The following SEZ6L variants were observed in gnomAD, a reference collection of about 807,000 sequenced individuals.
SEZ6L encodes seizure related 6 homolog like.
A neutral mutation model predicts 106.2 loss-of-function variants in SEZ6L; 37 were observed. That is an observed-to-expected ratio of 0.35 (90% CI 0.27 to 0.46). SEZ6L has a LOEUF of 0.46. SEZ6L is among the 20% of genes least tolerant of loss of function. SEZ6L has a pLI of 1.00. For synonymous variants in SEZ6L, 541 were observed against 570.4 expected (o/e 0.95, Z 0.73); for missense variants, 1,172 against 1,332.8 (o/e 0.88, Z 1.88).
Position 26,292,613 on chromosome 22 carries a change from C to T in SEZ6L, c.302C>T (p.Pro101Leu). Reference sequence around the variant, plus strand: ...CATCACGACATCCCAGCCCTGTCACCGCTGCTTCCAGAGGAGGCCCGCCCC... The same window carrying T: ...CATCACGACATCCCAGCCCTGTCACTGCTGCTTCCAGAGGAGGCCCGCCCC... ...SAHHDIPALS[P>L]LLPEEARPKH... is the part of the protein sequence containing the mutation. Residue 101 changes from proline (P) to leucine (L), a missense_variant, in exon 2 of 17, where the codon CCG (proline) becomes CTG (leucine). Transcript: ENST00000248933. The T allele has an allele frequency of 9.3e-6, 15 of 1,613,176 alleles. No individual in the cohort carries two copies. Among genetic ancestry groups the T allele is most frequent in the African/African-American group, 2.7e-5 (2 of 75,022 alleles).
At chr22:26,342,318 A>ACCCTGTGG (rs2082861582) in intron 10 of SEZ6L, among the ~76,000 whole-genome samples, 1 of 152,162 alleles carries the variant, frequency 6.6e-6, no homozygotes, top group Non-Finnish European at 1.5e-5. Context: ...GCCCTCTGCC[A>ACCCTGTGG]CCACCACTAC....
intron 1 of SEZ6L, among the ~76,000 whole-genome samples, chr22:26,223,545 A>G (rs1455851420): frequency 6.6e-6 from 1 of 152,070 alleles, no homozygotes; most frequent in East Asian, 1.9e-4. Context: ...AAGAATGTGG[A>G]TTTATGATCA....
chr22:26,358,263 C>A (rs994882190), intron 12 of SEZ6L, among the ~76,000 whole-genome samples: 5 of 152,194 alleles, frequency 3.3e-5, no homozygotes, highest in Admixed American at 3.3e-4. Flanking sequence ...ATTAAATGGA[C>A]AGCACTAAAA....
chr22:26,343,392 A>C (rs1188712570), intron 10 of SEZ6L, among the ~76,000 whole-genome samples: 1 of 151,740 alleles, frequency 6.6e-6, no homozygotes, highest in Non-Finnish European at 1.5e-5. Context: ...AAGTCTGGCC[A>C]GTGTTCAGTT....
intron 1 of SEZ6L, among the ~76,000 whole-genome samples, chr22:26,177,197 T>C (rs865779578): frequency 6.6e-6 from 1 of 152,120 alleles, no homozygotes; most frequent in South Asian, 2.1e-4. Flanking sequence ...TGATTTTTTA[T>C]CTGAAAAATG....
At chr22:26,272,781 C>T (rs918358714) in intron 1 of SEZ6L, among the ~76,000 whole-genome samples, 1 of 152,146 alleles carries the variant, frequency 6.6e-6, no homozygotes, top group Non-Finnish European at 1.5e-5. Context: ...ATTTAGAATG[C>T]TCTTAACATC....
At chr22:26,263,227 C>T (rs2080074437) in intron 1 of SEZ6L, among the ~76,000 whole-genome samples, 1 of 152,240 alleles carries the variant, frequency 6.6e-6, no homozygotes, top group African/African-American at 2.4e-5. Flanking sequence ...ATTTCAAATC[C>T]AACACCACTG....
At chr22:26,341,976 G>A (rs949549561) in intron 10 of SEZ6L, among the ~76,000 whole-genome samples, 6 of 152,108 alleles carry the variant, frequency 3.9e-5, no homozygotes, top group African/African-American at 2.4e-5. Context: ...CAGCCCTGTC[G>A]TGTTCCAGCA....
chr22:26,338,647 C>T (rs545025844), intron 9 of SEZ6L, among the ~76,000 whole-genome samples: 6 of 152,076 alleles, frequency 3.9e-5, no homozygotes, highest in South Asian at 2.1e-4. Context: ...TCAACCTCCA[C>T]CTCCCAGGTT....
intron 1 of SEZ6L, among the ~76,000 whole-genome samples, chr22:26,232,346 T>A (rs1377270491): frequency 5.3e-5 from 7 of 133,172 alleles, no homozygotes; most frequent in Non-Finnish European, 9.5e-5. Flanking sequence ...TCTCTGTCTT[T>A]CACACACACA....
intron 1 of SEZ6L, among the ~76,000 whole-genome samples, chr22:26,215,038 G>A (rs1478405077): frequency 6.6e-6 from 1 of 152,192 alleles, no homozygotes; most frequent in African/African-American, 2.4e-5. Flanking sequence ...ACTTTTTAAG[G>A]GAGGAGAACA....
At chr22:26,379,901 C>T (rs1056361205) in intron 16 of SEZ6L, among the ~76,000 whole-genome samples, 1 of 152,182 alleles carries the variant, frequency 6.6e-6, no homozygotes, top group Admixed American at 6.5e-5. Flanking sequence ...TGTGGGACAG[C>T]GTTTTAGGCT....
At chr22:26,172,483 C>T (rs959451132) in intron 1 of SEZ6L, among the ~76,000 whole-genome samples, 2 of 152,100 alleles carry the variant, frequency 1.3e-5, no homozygotes, top group Non-Finnish European at 2.9e-5. Context: ...GCTTACAAGT[C>T]CATTCCTGCA....
chr22:26,174,758 A>G (rs1938865798), intron 1 of SEZ6L, among the ~76,000 whole-genome samples: 2 of 152,238 alleles, frequency 1.3e-5, no homozygotes, highest in Non-Finnish European at 2.9e-5. Flanking sequence ...GGGTAAAAGT[A>G]TGGTGAGTTG....
At chr22:26,279,332 C>T (rs2080680142) in intron 1 of SEZ6L, among the ~76,000 whole-genome samples, 1 of 152,108 alleles carries the variant, frequency 6.6e-6, no homozygotes, top group Non-Finnish European at 1.5e-5. Flanking sequence ...CTTCCAGCCT[C>T]GTTTTCCCAC....
At chr22:26,170,107 G>T (rs1304915082) in intron 1 of SEZ6L, among the ~76,000 whole-genome samples, 3 of 152,056 alleles carry the variant, frequency 2.0e-5, no homozygotes, top group Non-Finnish European at 2.9e-5. Flanking sequence ...CTCTGCAACC[G>T]CACCCGGGGC....
chr22:26,380,244 T>TC, intron 16 of SEZ6L, 22 bp from the exon 17 acceptor site: 1 of 1,613,068 alleles, frequency 6.2e-7, no homozygotes, highest in Middle Eastern at 1.6e-4. Flanking sequence ...GTTTGACAAA[T>TC]CCGTGCTTCT....
At chr22:26,366,462 G>A (rs1428189335) in intron 13 of SEZ6L, among the ~76,000 whole-genome samples, 1 of 152,168 alleles carries the variant, frequency 6.6e-6, no homozygotes, top group Non-Finnish European at 1.5e-5. Context: ...GGGAAGCTGA[G>A]GTGGGAGGAT....
intron 1 of SEZ6L, among the ~76,000 whole-genome samples, chr22:26,248,356 T>A (rs1408941967): frequency 6.6e-6 from 1 of 152,200 alleles, no homozygotes; most frequent in African/African-American, 2.4e-5. Flanking sequence ...ACTATTGGTA[T>A]CTTTTTTGTT....
Sources: allele counts gnomAD v4.1 joint callset (sites outside exome capture counted in the v4.1 genomes callset), GRCh38; gene constraint gnomAD v4.1.1; transcripts MANE v1.5; gene names NCBI Gene and HGNC (gene_info 2026-07-23, HGNC 2026-07-21).